THSD7A: variants seen among roughly 807,000 people sequenced by gnomAD.
The protein encoded by THSD7A is thrombospondin type 1 domain containing 7A.
Under a neutral mutation model 231.3 loss-of-function variants are expected in THSD7A, and 96 were observed. The ratio of observed to expected loss-of-function variants is 0.41; its 90% confidence interval spans 0.35 to 0.49. The LOEUF is 0.49. Ranked by LOEUF, THSD7A falls within the 20% of genes least tolerant of loss-of-function variation. The pLI, the probability that THSD7A is intolerant of heterozygous loss-of-function variation, is 0.05. For missense variants in THSD7A, 2,290 were observed against 2,070.2 expected, an observed-to-expected ratio of 1.11 and a Z score of -2.06; for synonymous variants, 940 against 743.3, an observed-to-expected ratio of 1.26 and a Z score of -4.30.
chr7:11,407,094 T>C, intron 20 of THSD7A, 39 bp from the exon 21 acceptor site: 1 of 1,608,638 alleles, frequency 6.2e-7, no homozygotes, highest in Non-Finnish European at 8.5e-7. Flanking sequence ...TAATATATGT[T>C]ATGGTTTTGC....
rs1356045860 is a variant in THSD7A at position 11,417,454 on chromosome 7, A to G, written c.3533T>C (p.Val1178Ala). ...TAAAAAGGTTAATCATCTCACCAAA[A>G]CACATTGGGTCCATGGACCCCATTC... ...ISEWGPWTQC[V>A]LPCNQSSFRQ... The change falls in exon 17 of 28, where the codon GTT (valine) becomes GCT (alanine). Residue 1178 changes from valine (V) to alanine (A), a missense_variant. Physicochemically the swap from Val to Ala is moderately conservative, Grantham distance 64 (BLOSUM62 0). Coordinates refer to ENST00000423059, the MANE Select transcript of THSD7A (RefSeq NM_015204.3). The G allele has an allele frequency of 6.3e-7, 1 of 1,591,326 alleles. No homozygotes were observed. Among genetic ancestry groups the G allele is most frequent in the Non-Finnish European group, 8.5e-7 (1 of 1,173,658 alleles).
chr7:11,554,650 T>C (rs566480405), intron 4 of THSD7A, among the ~76,000 whole-genome samples: 6 of 152,018 alleles, frequency 3.9e-5, no homozygotes, highest in Non-Finnish European at 7.4e-5. Context: ...TTTGGTCTTA[T>C]ATTTTAATTA....
At chr7:11,383,591 CATGAAA>C (rs1411096570) in intron 23 of THSD7A, among the ~76,000 whole-genome samples, 2 of 151,910 alleles carry the variant, frequency 1.3e-5, no homozygotes, top group Non-Finnish European at 1.5e-5. Flanking sequence ...TCTAAACACT[CATGAAA>C]ATTTATAATT....
At chr7:11,527,061 A>T (rs1360651294) in intron 6 of THSD7A, among the ~76,000 whole-genome samples, 1 of 152,146 alleles carries the variant, frequency 6.6e-6, no homozygotes, top group Non-Finnish European at 1.5e-5. Flanking sequence ...GTTGTTTCTA[A>T]GGTCAGAATT....
At chr7:11,777,320 A>C (rs1296465146) in intron 1 of THSD7A, among the ~76,000 whole-genome samples, 6 of 152,116 alleles carry the variant, frequency 3.9e-5, no homozygotes, top group African/African-American at 7.2e-5. Context: ...CAACACAGAA[A>C]ATGCTAGAGC....
rs1782151370 is a variant in THSD7A at position 11,373,716 on chromosome 7, A to ATACTC, written c.*2073_*2077dup. 3 of 152,030 alleles carry ATACTC rather than the reference A, an allele frequency of 2.0e-5. No homozygotes were observed. The highest frequency in any genetic ancestry group is 1.3e-4 in the Admixed American group (2 of 15,206). 9.4% of individuals were successfully genotyped at this position (152,030 alleles called of 1,614,324 possible). A position where few individuals can be genotyped will look rare whatever the true frequency, so the allele number is the denominator to read the frequency against. ...CTGATGTCTTTTGTAATCTTTGCAA[A>ATACTC]TACTCTAATGAACAGCAGGGGGAGT... On this transcript the variant is annotated 3_prime_UTR_variant, in exon 28 of 28. Coordinates refer to ENST00000423059, the MANE Select transcript of THSD7A (RefSeq NM_015204.3).
intron 6 of THSD7A, among the ~76,000 whole-genome samples, chr7:11,521,484 A>T (rs1225862063): frequency 1.6e-5 from 2 of 122,510 alleles, no homozygotes; most frequent in African/African-American, 7.0e-5. Flanking sequence ...TATTTTATTT[A>T]TTTATTTATT....
At chr7:11,639,706 G>T (rs1209118911) in intron 1 of THSD7A, among the ~76,000 whole-genome samples, 2 of 151,906 alleles carry the variant, frequency 1.3e-5, no homozygotes, top group South Asian at 2.1e-4. Context: ...AAATAGATGT[G>T]ATTTACTAAT....
chr7:11,479,698 G>A (rs1786341136), intron 7 of THSD7A, among the ~76,000 whole-genome samples: 1 of 152,136 alleles, frequency 6.6e-6, no homozygotes, highest in Non-Finnish European at 1.5e-5. Context: ...GTACTAAGTA[G>A]GCTTTGAAGT....
intron 6 of THSD7A, among the ~76,000 whole-genome samples, chr7:11,517,102 C>G (rs1375725540): frequency 1.3e-5 from 2 of 152,060 alleles, no homozygotes; most frequent in African/African-American, 4.8e-5. Flanking sequence ...TTTTAGAGAT[C>G]AAGTCTCTCA....
chr7:11,645,254 C>G (rs1365291789), intron 1 of THSD7A, among the ~76,000 whole-genome samples: 1 of 151,688 alleles, frequency 6.6e-6, no homozygotes, highest in African/African-American at 2.4e-5. Flanking sequence ...TATTTTCCAG[C>G]ATTCTCATGG....
chr7:11,803,556 C>T (rs1339674064), intron 1 of THSD7A, among the ~76,000 whole-genome samples: 2 of 152,062 alleles, frequency 1.3e-5, no homozygotes, highest in Admixed American at 6.6e-5. Flanking sequence ...ATTATGTCTG[C>T]TTAAATATCA....
intron 2 of THSD7A, among the ~76,000 whole-genome samples, chr7:11,615,011 G>A (rs1268293884): frequency 6.6e-6 from 1 of 152,164 alleles, no homozygotes; most frequent in African/African-American, 2.4e-5. Context: ...CCAAAGGAGG[G>A]AACTGATTAT....
intron 1 of THSD7A, among the ~76,000 whole-genome samples, chr7:11,669,262 C>T (rs1783276897): frequency 6.6e-6 from 1 of 152,088 alleles, no homozygotes; most frequent in Non-Finnish European, 1.5e-5. Flanking sequence ...CCACTCCCAA[C>T]AGGAAATGTT....
rs79395815 is a variant in THSD7A at position 11,610,156 on chromosome 7, C to G, written c.1023-16654G>C. ...TAGTAGTAACTTTCCTCTCTGGAAG[C>G]CACCTAAAACTGTGAACCTAAAACT... On this transcript the variant is annotated intron_variant, in intron 2 of 27. Coordinates refer to ENST00000423059, the MANE Select transcript of THSD7A (RefSeq NM_015204.3). 7.9e-5 allele frequency among the ~76,000 whole-genome samples: 12 copies of G among 152,174 alleles called. No homozygotes were observed. The East Asian group carries it at 2.3e-3, about 29-fold the overall frequency.
At chr7:11,412,936 G>T in intron 17 of THSD7A, 136 bp from the exon 18 acceptor site, 3 of 870,940 alleles carry the variant, frequency 3.4e-6, no homozygotes, top group Non-Finnish European at 5.2e-6. Context: ...ACCTCATTAT[G>T]CCTCAGTTGT....
chr7:11,813,636 C>T (rs945048968), intron 1 of THSD7A, among the ~76,000 whole-genome samples: 2 of 151,682 alleles, frequency 1.3e-5, no homozygotes, highest in African/African-American at 2.4e-5. Flanking sequence ...TCACTTGAAC[C>T]CAGGAGGCAG....
At chr7:11,710,405 T>C (rs1013507140) in intron 1 of THSD7A, among the ~76,000 whole-genome samples, 1 of 150,942 alleles carries the variant, frequency 6.6e-6, no homozygotes, top group African/African-American at 2.4e-5. Context: ...TTTTGTTCAA[T>C]CCACTCATCA....
chr7:11,542,937 G>C, intron 5 of THSD7A, 25 bp downstream of exon 5: 2 of 1,608,870 alleles, frequency 1.2e-6, no homozygotes, highest in Non-Finnish European at 1.7e-6. Flanking sequence ...GGGTATAAAA[G>C]GCATGTCATG....
Sources: gnomAD v4.1 joint callset for allele counts (sites outside exome capture counted in the v4.1 genomes callset) on GRCh38, gnomAD v4.1.1 for gene constraint, MANE v1.5 for transcripts, NCBI Gene and HGNC (gene_info 2026-07-23, HGNC 2026-07-21) for gene names.